SLC7A14: variants seen among roughly 807,000 people sequenced by gnomAD.
The protein encoded by SLC7A14 is gamma-aminobutyric acid transporter SLC7A14.
In SLC7A14, 37 loss-of-function variants were observed where a neutral mutation model predicts 60.2. That is an observed-to-expected ratio of 0.61 (90% CI 0.47 to 0.81). The LOEUF is 0.81. Among genes scored for constraint, SLC7A14 ranks in the 30% least tolerant of loss-of-function variants. The pLI is 0.00. For synonymous variants in SLC7A14, 399 were observed against 395.8 expected (o/e 1.01, Z -0.10); for missense variants, 886 against 982.7 (o/e 0.90, Z 1.32).
chr3:170,510,375 G>C (rs1712933087), intron 2 of SLC7A14, among the ~76,000 whole-genome samples: 1 of 125,298 alleles, frequency 8.0e-6, no homozygotes, highest in Admixed American at 1.0e-4. Flanking sequence ...CAGTGACAGA[G>C]CAAGACTCTG....
intron 1 of SLC7A14, among the ~76,000 whole-genome samples, chr3:170,536,565 G>A (rs1041468648): frequency 6.6e-6 from 1 of 152,148 alleles, no homozygotes; most frequent in African/African-American, 2.4e-5. Flanking sequence ...AATTAACACT[G>A]AAAAGTGAGA....
chr3:170,556,789 A>G (rs1245353691), intron 1 of SLC7A14, among the ~76,000 whole-genome samples: 1 of 152,128 alleles, frequency 6.6e-6, no homozygotes, highest in Non-Finnish European at 1.5e-5. Context: ...CTAGGTATTG[A>G]TTTTTGCCTA....
At chr3:170,499,650 A>G (rs1712540492) in intron 3 of SLC7A14, among the ~76,000 whole-genome samples, 1 of 152,050 alleles carries the variant, frequency 6.6e-6, no homozygotes, top group Non-Finnish European at 1.5e-5. Flanking sequence ...AATGATGGTA[A>G]GAGGGGTTTT....
At chr3:170,550,891 T>C (rs1451704640) in intron 1 of SLC7A14, among the ~76,000 whole-genome samples, 1 of 152,188 alleles carries the variant, frequency 6.6e-6, no homozygotes, top group Non-Finnish European at 1.5e-5. Context: ...AAAAGCGAAG[T>C]GTAATCCACA....
intron 2 of SLC7A14, among the ~76,000 whole-genome samples, chr3:170,515,061 C>T (rs1240707142): frequency 6.6e-6 from 1 of 151,958 alleles, no homozygotes; most frequent in Admixed American, 6.6e-5. Flanking sequence ...GCCTGTAATC[C>T]CAGCACTTTG....
chr3:170,493,088 T>A (rs1187935204), intron 4 of SLC7A14, among the ~76,000 whole-genome samples: 1 of 152,202 alleles, frequency 6.6e-6, no homozygotes, highest in Non-Finnish European at 1.5e-5. Flanking sequence ...AGTGTCTTAT[T>A]TGCTTAAAGA....
At chr3:170,548,500 C>T (rs1424622378) in intron 1 of SLC7A14, among the ~76,000 whole-genome samples, 1 of 152,210 alleles carries the variant, frequency 6.6e-6, no homozygotes, top group Admixed American at 6.5e-5. Context: ...CTCTGCCCCA[C>T]CTCTGGGTCT....
chr3:170,502,647 C>G (rs917163778), intron 2 of SLC7A14, among the ~76,000 whole-genome samples: 12 of 152,216 alleles, frequency 7.9e-5, no homozygotes, highest in African/African-American at 2.9e-4. Flanking sequence ...GTTCTCTCAT[C>G]ACAAACCAGG....
intron 7 of SLC7A14, among the ~76,000 whole-genome samples, chr3:170,479,657 G>A (rs1374157692): frequency 6.6e-6 from 1 of 152,120 alleles, no homozygotes; most frequent in African/African-American, 2.4e-5. Context: ...TGGCATGATG[G>A]GTACTTCCCA....
intron 1 of SLC7A14, among the ~76,000 whole-genome samples, chr3:170,542,174 C>T (rs887053144): frequency 3.9e-5 from 6 of 152,182 alleles, no homozygotes; most frequent in Non-Finnish European, 8.8e-5. Context: ...GCAGGATTCT[C>T]CCAGTTGCTA....
At chr3:170,469,548 A>G (rs944476413) in intron 7 of SLC7A14, among the ~76,000 whole-genome samples, 3 of 152,170 alleles carry the variant, frequency 2.0e-5, no homozygotes, top group African/African-American at 7.2e-5. Flanking sequence ...AGAACAGGGC[A>G]TCACATTAAG....
At chr3:170,566,923 A>G (rs1714807033) in intron 1 of SLC7A14, among the ~76,000 whole-genome samples, 1 of 152,126 alleles carries the variant, frequency 6.6e-6, no homozygotes, top group African/African-American at 2.4e-5. Context: ...ACCCTGAGAG[A>G]TATGATGCAG....
intron 7 of SLC7A14, among the ~76,000 whole-genome samples, chr3:170,469,208 C>T (rs563239640): frequency 9.2e-5 from 14 of 152,198 alleles, no homozygotes; most frequent in East Asian, 7.7e-4. Context: ...TGCTTAGAAC[C>T]GCAAGTCAAG....
chr3:170,498,701 G>A lies in SLC7A14; in HGVS notation c.725C>T (p.Ala242Val), dbSNP rs756436577. The A allele has an allele frequency of 2.9e-5, 46 of 1,613,998 alleles. No individual in the cohort carries two copies. The East Asian group carries it at 4.0e-4, about 14-fold the overall frequency. Residue 242 changes from alanine (A) to valine (V), a missense_variant, in exon 4 of 8, where the codon GCG becomes GTG. By Grantham distance (64) the Ala-to-Val change is moderately conservative. Transcript: ENST00000231706. ...GLFFINGKYWAEGQFLPHGWS... is the reference protein window; with the variant it reads ...GLFFINGKYWVEGQFLPHGWS... ...GCCGTGGGGCAAGAACTGGCCCTCC[G>A]CCCAGTATTTCCCATTGATGAAGAA...
intron 1 of SLC7A14, among the ~76,000 whole-genome samples, chr3:170,583,509 A>G (rs1715292656): frequency 6.6e-6 from 1 of 152,252 alleles, no homozygotes; most frequent in African/African-American, 2.4e-5. Flanking sequence ...AAATAGTGGG[A>G]AAGGCCCTGG....
At chr3:170,538,826 G>T in intron 1 of SLC7A14, among the ~76,000 whole-genome samples, 1 of 152,236 alleles carries the variant, frequency 6.6e-6, no homozygotes. Flanking sequence ...TGACCATAAA[G>T]ATTCCCACTT....
chr3:170,542,921 A>G (rs959441461), intron 1 of SLC7A14, among the ~76,000 whole-genome samples: 1 of 152,224 alleles, frequency 6.6e-6, no homozygotes. Context: ...GTCATCATCA[A>G]GAATCCAGTT....
chr3:170,536,280 T>A (rs558959245), intron 1 of SLC7A14, among the ~76,000 whole-genome samples: 1 of 152,346 alleles, frequency 6.6e-6, no homozygotes, highest in African/African-American at 2.4e-5. Flanking sequence ...TAAGAGACCG[T>A]AAGAGACTTG....
chr3:170,486,871 C>CAA (rs59431762), intron 4 of SLC7A14, among the ~76,000 whole-genome samples: 189 of 103,602 alleles, frequency 1.8e-3, no homozygotes, highest in East Asian at 3.1e-3. Context: ...GACTCCATCT[C>CAA]AAAAAAAAAA....
Sources: allele counts gnomAD v4.1 joint callset (sites outside exome capture counted in the v4.1 genomes callset), GRCh38; gene constraint gnomAD v4.1.1; transcripts MANE v1.5; gene names NCBI Gene and HGNC (gene_info 2026-07-23, HGNC 2026-07-21).